ADGRL4: variants seen among roughly 807,000 people sequenced by gnomAD.
ADGRL4 encodes EGF, latrophilin and seven transmembrane domain containing 1.
Under a neutral mutation model 74.8 loss-of-function variants are expected in ADGRL4, and 90 were observed. That is an observed-to-expected ratio of 1.20 (90% CI 1.02 to 1.43). ADGRL4 has a LOEUF of 1.43. Ranked by LOEUF, ADGRL4 falls within the 40% of genes most tolerant of loss-of-function variation. ADGRL4 has a pLI of 0.00. For synonymous variants in ADGRL4, 311 were observed against 279.2 expected, an observed-to-expected ratio of 1.11 and a Z score of -1.14; for missense variants, 881 against 814.3, an observed-to-expected ratio of 1.08 and a Z score of -1.00.
chr1:78,943,718 T>C (rs377098362), intron 3 of ADGRL4, among the ~76,000 whole-genome samples: 71 of 152,310 alleles, frequency 4.7e-4, no homozygotes, highest in African/African-American at 1.7e-3. Flanking sequence ...TATGATATTG[T>C]GCAACGAAAA....
At chr1:78,937,683 G>T in intron 6 of ADGRL4, 124 bp downstream of exon 6, 1 of 834,668 alleles carries the variant, frequency 1.2e-6, no homozygotes, top group Non-Finnish European at 1.9e-6. Flanking sequence ...TTTGTACACT[G>T]ATAAAACTAC....
At chr1:78,951,135 G>T (rs926497117) in intron 2 of ADGRL4, among the ~76,000 whole-genome samples, 4 of 152,084 alleles carry the variant, frequency 2.6e-5, no homozygotes, top group African/African-American at 9.7e-5. Context: ...TCTCTAAATG[G>T]ACTCCTTTGC....
intron 2 of ADGRL4, among the ~76,000 whole-genome samples, chr1:78,988,812 A>C (rs1650547396): frequency 6.6e-6 from 1 of 151,852 alleles, no homozygotes; most frequent in African/African-American, 2.4e-5. Context: ...ATTCGTCTTT[A>C]AAACAAACAA....
chr1:78,996,055 C>G (rs1428350848), intron 2 of ADGRL4, among the ~76,000 whole-genome samples: 1 of 152,006 alleles, frequency 6.6e-6, no homozygotes, highest in African/African-American at 2.4e-5. Context: ...ATATGATATA[C>G]CACAAGATTT....
intron 12 of ADGRL4, among the ~76,000 whole-genome samples, chr1:78,913,594 T>A (rs936627243): frequency 6.6e-6 from 1 of 151,426 alleles, no homozygotes; most frequent in Non-Finnish European, 1.5e-5. Flanking sequence ...GACACAAAGA[T>A]GGGAACAGCA....
intron 2 of ADGRL4, among the ~76,000 whole-genome samples, chr1:79,001,936 T>A (rs1435378095): frequency 5.3e-5 from 8 of 152,136 alleles, no homozygotes; most frequent in African/African-American, 1.4e-4. Context: ...TGCTTTGTGA[T>A]GGTTATTTAA....
chr1:78,971,050 C>A (rs1195690247), intron 2 of ADGRL4, among the ~76,000 whole-genome samples: 1 of 152,226 alleles, frequency 6.6e-6, no homozygotes, highest in South Asian at 2.1e-4. Flanking sequence ...TCTAATAACC[C>A]CGTTTGTCTC....
intron 12 of ADGRL4, among the ~76,000 whole-genome samples, chr1:78,917,427 A>G (rs1381027728): frequency 1.3e-5 from 2 of 150,738 alleles, no homozygotes; most frequent in Non-Finnish European, 3.0e-5. Flanking sequence ...TTTAAAAAGT[A>G]TATATTAAAA....
intron 12 of ADGRL4, among the ~76,000 whole-genome samples, chr1:78,906,489 T>C (rs1648638469): frequency 6.6e-6 from 1 of 151,968 alleles, no homozygotes. Context: ...TTTATCTTTA[T>C]CACTGGTTTT....
chr1:78,946,471 T>A (rs1557508228), intron 2 of ADGRL4, 45 bp from the exon 3 acceptor site: 2 of 1,493,350 alleles, frequency 1.3e-6, no homozygotes, highest in Non-Finnish European at 9.1e-7. Context: ...ATAATTGACA[T>A]AAATTTTGAC....
At chr1:78,986,239 T>C (rs1650492256) in intron 2 of ADGRL4, among the ~76,000 whole-genome samples, 1 of 150,724 alleles carries the variant, frequency 6.6e-6, no homozygotes, top group Non-Finnish European at 1.5e-5. Flanking sequence ...TTTTGCCTTT[T>C]GAAAAAAAAT....
At chr1:78,920,940 G>A (rs1648985524) in intron 9 of ADGRL4, among the ~76,000 whole-genome samples, 1 of 151,678 alleles carries the variant, frequency 6.6e-6, no homozygotes, top group African/African-American at 2.4e-5. Context: ...TTAAGTTCAG[G>A]AAAAAATCAT....
At position 78,928,914 on chromosome 1, in the gene ADGRL4, A is replaced by G. The variant is rs1649176720; in HGVS notation, c.878-1823T>C. On this transcript the variant is annotated intron_variant, in intron 7 of 14. Transcript: ENST00000370742. ...ATTTTTCCTTATGTTAAATTCCCAT[A>G]TCAATTTTACCCACATACACTATGC... is the stretch of plus-strand genomic sequence containing the variant. 2.6e-5 allele frequency among the ~76,000 whole-genome samples: 4 copies of G among 151,452 alleles called. 1 individual carries two copies. Among genetic ancestry groups the G allele is most frequent in the South Asian group, 2.1e-4 (1 of 4,830 alleles).
At chr1:78,955,366 A>C (rs1322120763) in intron 2 of ADGRL4, among the ~76,000 whole-genome samples, 1 of 151,964 alleles carries the variant, frequency 6.6e-6, no homozygotes, top group African/African-American at 2.4e-5. Context: ...TTAAACTTAA[A>C]ATTGTTTTTA....
intron 2 of ADGRL4, among the ~76,000 whole-genome samples, chr1:78,978,080 G>A (rs1003386954): frequency 1.3e-5 from 2 of 151,892 alleles, no homozygotes; most frequent in Non-Finnish European, 2.9e-5. Context: ...CCTTGGTCAT[G>A]TGGAAAAGAT....
intron 3 of ADGRL4, among the ~76,000 whole-genome samples, chr1:78,942,371 T>C (rs1056101480): frequency 1.3e-5 from 2 of 152,072 alleles, no homozygotes; most frequent in Non-Finnish European, 2.9e-5. Context: ...TGTGACTAAG[T>C]ATGTTTGAAG....
chr1:78,965,621 T>G (rs1650040154), intron 2 of ADGRL4, among the ~76,000 whole-genome samples: 1 of 152,184 alleles, frequency 6.6e-6, no homozygotes, highest in African/African-American at 2.4e-5. Context: ...ATTGTAAGTG[T>G]TAAACTCTCC....
intron 7 of ADGRL4, among the ~76,000 whole-genome samples, chr1:78,932,883 G>A (rs571009129): frequency 4.0e-5 from 6 of 151,362 alleles, no homozygotes; most frequent in East Asian, 3.9e-4. Context: ...AGAAAAAGTC[G>A]AATCCCTGAA....
chr1:78,965,043 T>C (rs1337014451), intron 2 of ADGRL4, among the ~76,000 whole-genome samples: 1 of 152,022 alleles, frequency 6.6e-6, no homozygotes, highest in Non-Finnish European at 1.5e-5. Context: ...ACTGTGAAGC[T>C]AAAATATCCT....
Sources: allele counts gnomAD v4.1 joint callset (sites outside exome capture counted in the v4.1 genomes callset), GRCh38; gene constraint gnomAD v4.1.1; transcripts MANE v1.5; gene names NCBI Gene and HGNC (gene_info 2026-07-23, HGNC 2026-07-21).